Variants in KCTD1 observed in about 807,000 individuals in gnomAD.
The protein encoded by KCTD1 is BTB/POZ domain-containing protein KCTD1.
A neutral mutation model predicts 66.0 loss-of-function variants in KCTD1; 24 were observed. The ratio of observed to expected loss-of-function variants is 0.36; its 90% confidence interval spans 0.26 to 0.51. The LOEUF is 0.51. KCTD1 is among the 20% of genes least tolerant of loss of function. The probability of loss-of-function intolerance (pLI) is 0.95; values close to 1 mark genes in which losing one functional copy is unlikely to be tolerated. For synonymous variants in KCTD1, 511 were observed against 517.2 expected (o/e 0.99, Z 0.16); for missense variants, 943 against 1,205.2 (o/e 0.78, Z 3.22).
intron 1 of KCTD1, among the ~76,000 whole-genome samples, chr18:26,593,031 C>A (rs924614808): frequency 6.6e-6 from 1 of 152,320 alleles, no homozygotes; most frequent in South Asian, 2.1e-4. Flanking sequence ...CACCTATTAA[C>A]TTTATTGTTC....
At chr18:26,509,078 A>G (rs752784432) in intron 1 of KCTD1, among the ~76,000 whole-genome samples, 4 of 152,016 alleles carry the variant, frequency 2.6e-5, no homozygotes, top group African/African-American at 7.3e-5. Context: ...GCCAAACTCT[A>G]TGGTCTCTAT....
At chr18:26,564,979 A>G (rs1488674922) in intron 1 of KCTD1, among the ~76,000 whole-genome samples, 1 of 152,192 alleles carries the variant, frequency 6.6e-6, no homozygotes, top group Non-Finnish European at 1.5e-5. Flanking sequence ...AAAGCATCAA[A>G]AGGAAAGAGA....
At chr18:26,621,476 T>G (rs2145017387) in intron 1 of KCTD1, among the ~76,000 whole-genome samples, 1 of 151,990 alleles carries the variant, frequency 6.6e-6, no homozygotes, top group African/African-American at 2.4e-5. Flanking sequence ...AAGAGCTGAG[T>G]CTGCAATCTG....
chr18:26,503,579 G>A (rs1982878827), intron 1 of KCTD1, among the ~76,000 whole-genome samples: 1 of 152,108 alleles, frequency 6.6e-6, no homozygotes, highest in East Asian at 1.9e-4. Context: ...GTCTGTAATA[G>A]TTTTTCAATT....
At chr18:26,472,598 CT>C (rs1981128571) in intron 3 of KCTD1, among the ~76,000 whole-genome samples, 1 of 152,228 alleles carries the variant, frequency 6.6e-6, no homozygotes, top group African/African-American at 2.4e-5. Flanking sequence ...TCCCCCACCT[CT>C]CCACATCATG....
intron 1 of KCTD1, among the ~76,000 whole-genome samples, chr18:26,595,808 G>A (rs1316745182): frequency 6.6e-6 from 1 of 152,198 alleles, no homozygotes; most frequent in Non-Finnish European, 1.5e-5. Flanking sequence ...GGGAGTCCAA[G>A]GTGGGAGGAC....
intron 1 of KCTD1, among the ~76,000 whole-genome samples, chr18:26,511,218 C>T (rs929122884): frequency 1.5e-4 from 23 of 152,176 alleles, no homozygotes; most frequent in African/African-American, 7.2e-5. Flanking sequence ...TAATACTTCC[C>T]TTTCCTTAAT....
At chr18:26,543,205 T>C (rs1186000447) in intron 1 of KCTD1, 1 of 152,236 alleles carries the variant, frequency 6.6e-6, no homozygotes, top group Non-Finnish European at 1.5e-5. Context: ...CAAACATTCT[T>C]GCAGTAGAAA....
At position 26,548,542 on chromosome 18, in the gene KCTD1, C is replaced by T. The variant is rs767430176; in HGVS notation, c.-6G>A. ...CTGCCAGGCATTCTCGCCATATTGC[C>T]GTCTCTCTGCCAGTCCTCGGGCAGG... is the stretch of plus-strand genomic sequence containing the variant. On this transcript the variant is annotated 5_prime_UTR_variant, in exon 1 of 5. Coordinates refer to ENST00000580059, the MANE Select transcript of KCTD1 (RefSeq NM_001142730.3). 1 of 1,232,888 alleles carries T rather than the reference C, an allele frequency of 8.1e-7. No homozygotes were observed. The highest frequency in any genetic ancestry group is 1.0e-6 in the Non-Finnish European group (1 of 991,000). The allele number at this position is 1,232,888 out of a possible 1,614,324, so 76.4% of individuals were successfully genotyped here.
chr18:26,510,834 G>A (rs1389668380), intron 1 of KCTD1, among the ~76,000 whole-genome samples: 1 of 152,088 alleles, frequency 6.6e-6, no homozygotes, highest in Non-Finnish European at 1.5e-5. Context: ...CTTTTAAAAA[G>A]TTAAAACAGC....
At chr18:26,557,851 G>C (rs1985744173) in intron 1 of KCTD1, among the ~76,000 whole-genome samples, 1 of 152,164 alleles carries the variant, frequency 6.6e-6, no homozygotes, top group South Asian at 2.1e-4. Context: ...TTGAAGCTCT[G>C]CAGCTACCTG....
chr18:26,575,388 G>A (rs1365283473), intron 1 of KCTD1: 2 of 152,166 alleles, frequency 1.3e-5, no homozygotes, highest in African/African-American at 4.8e-5. Context: ...TCCCAAGAAC[G>A]TGGTGTGCGT....
intron 1 of KCTD1, among the ~76,000 whole-genome samples, chr18:26,516,375 A>G (rs1598911829): frequency 6.6e-6 from 1 of 152,132 alleles, no homozygotes; most frequent in Admixed American, 6.5e-5. Context: ...GCCCTTTTGT[A>G]TGAGAGAAGT....
intron 1 of KCTD1, among the ~76,000 whole-genome samples, chr18:26,506,238 C>A (rs1983030204): frequency 6.6e-6 from 1 of 152,124 alleles, no homozygotes; most frequent in Non-Finnish European, 1.5e-5. Context: ...GATAAGTGAA[C>A]AAGAGTAAAC....
intron 1 of KCTD1, among the ~76,000 whole-genome samples, chr18:26,613,634 T>C (rs1398638920): frequency 6.6e-6 from 1 of 152,176 alleles, no homozygotes; most frequent in Non-Finnish European, 1.5e-5. Context: ...GAAACTCTGG[T>C]CCAAAATTTC....
In KCTD1 at chr18:26,548,501, G is replaced by A. The variant is rs1985389959; in HGVS notation, c.36C>T (p.Thr12=). 8.0e-7 allele frequency: 1 copy of A among 1,246,198 alleles called. No homozygotes were observed. The highest frequency in any genetic ancestry group is 3.9e-5 in the South Asian group (1 of 25,760). 77.2% of individuals were successfully genotyped at this position (1,246,198 alleles called of 1,614,324 possible). A position where few individuals can be genotyped will look rare whatever the true frequency, so the allele number is the denominator to read the frequency against. ...ARMPGSGDCN[T]SAGGSASAAA... is the part of the protein sequence containing the mutation. ...CAGCGCTGGCGCTGCCGCCCGCGCT[G>A]GTGTTACAGTCCCCGCTGCCAGGCA... Residue 12 remains threonine, a synonymous_variant, in exon 1 of 5, where the codon ACC becomes ACT. Coordinates refer to ENST00000580059, the MANE Select transcript of KCTD1 (RefSeq NM_001142730.3).
intron 2 of KCTD1, among the ~76,000 whole-genome samples, chr18:26,490,730 T>G (rs142835038): frequency 3.3e-5 from 5 of 152,236 alleles, no homozygotes; most frequent in African/African-American, 1.2e-4. Context: ...TGTTATTTGT[T>G]TTAAAACCTA....
intron 1 of KCTD1, among the ~76,000 whole-genome samples, chr18:26,614,660 T>C (rs949121901): frequency 1.3e-5 from 2 of 152,202 alleles, no homozygotes; most frequent in Admixed American, 1.3e-4. Flanking sequence ...CTTGGAAGGC[T>C]TTGGAATGTT....
intron 1 of KCTD1, among the ~76,000 whole-genome samples, chr18:26,568,515 G>C (rs1986033897): frequency 6.6e-6 from 1 of 152,076 alleles, no homozygotes; most frequent in South Asian, 2.1e-4. Flanking sequence ...GGGATTATGG[G>C]TTTAAGCCAC....
Sources: gnomAD v4.1 joint callset for allele counts (sites outside exome capture counted in the v4.1 genomes callset) on GRCh38, gnomAD v4.1.1 for gene constraint, MANE v1.5 for transcripts, NCBI Gene and HGNC (gene_info 2026-07-23, HGNC 2026-07-21) for gene names.